The following QRFPR variants were observed in gnomAD, a reference collection of about 807,000 sequenced individuals.
QRFPR encodes the protein pyroglutamylated RF-amide peptide receptor.
Under a neutral mutation model 31.3 loss-of-function variants are expected in QRFPR, and 37 were observed. The observed-to-expected ratio is 1.18, with a 90% CI of 0.91 to 1.56. The LOEUF (loss-of-function observed/expected upper bound fraction) is 1.56, where lower values mean the gene tolerates loss of function less well. Ranked by LOEUF, QRFPR falls within the 40% of genes most tolerant of loss-of-function variation. The pLI is 0.00. For missense variants in QRFPR, 542 were observed against 532.5 expected, an observed-to-expected ratio of 1.02 and a Z score of -0.18; for synonymous variants, 197 against 192.0, an observed-to-expected ratio of 1.03 and a Z score of -0.22.
At chr4:121,351,737 A>C (rs1040958048) in intron 1 of QRFPR, among the ~76,000 whole-genome samples, 2 of 152,102 alleles carry the variant, frequency 1.3e-5, no homozygotes, top group Non-Finnish European at 2.9e-5. Context: ...GCACATCATA[A>C]AGTGAACTTC....
rs1725359923 is a variant in QRFPR, at chr4:121,332,986, T to C, written c.632A>G (p.Gln211Arg). 1 of 1,565,336 alleles carries C rather than the reference T, an allele frequency of 6.4e-7. No individual in the cohort carries two copies. Residue 211 changes from glutamine (Q) to arginine (R), a missense_variant, in exon 4 of 6, where the codon CAG becomes CGG. Transcript: ENST00000394427. The part of the protein sequence containing the change: ...CLEEWTSPVH[Q>R]KIYTTFILVI... ...AAGGATGAAGGTGGTGTAGATCTTC[T>C]GGTGCACAGGGCTGGTCCACTCTTC...
At chr4:121,379,675 G>A (rs1353320305) in intron 1 of QRFPR, among the ~76,000 whole-genome samples, 1 of 152,100 alleles carries the variant, frequency 6.6e-6, no homozygotes, top group Admixed American at 6.5e-5. Context: ...TATAATAGGA[G>A]GGCATCAGTT....
At chr4:121,376,322 G>A (rs1027186352) in intron 1 of QRFPR, among the ~76,000 whole-genome samples, 1 of 152,172 alleles carries the variant, frequency 6.6e-6, no homozygotes. Flanking sequence ...ATGGTAAGGT[G>A]GATGAAAGGA....
chr4:121,379,187 A>G (rs1015983332), intron 1 of QRFPR, among the ~76,000 whole-genome samples: 11 of 152,230 alleles, frequency 7.2e-5, no homozygotes, highest in African/African-American at 2.2e-4. Flanking sequence ...AAATATTTAC[A>G]TTATAGATTG....
chr4:121,333,170 G>C, intron 3 of QRFPR, 114 bp from the exon 4 acceptor site: 1 of 659,946 alleles, frequency 1.5e-6, no homozygotes, highest in Non-Finnish European at 2.6e-6. Flanking sequence ...TTTGTCCCCA[G>C]CACGTATTTC....
intron 2 of QRFPR, among the ~76,000 whole-genome samples, chr4:121,338,859 A>G (rs1321724086): frequency 1.3e-5 from 2 of 152,138 alleles, no homozygotes; most frequent in Non-Finnish European, 2.9e-5. Flanking sequence ...AGATGTTGTC[A>G]CTCGCGCTAC....
intron 1 of QRFPR, among the ~76,000 whole-genome samples, chr4:121,340,941 G>A (rs1725532136): frequency 6.6e-6 from 1 of 152,148 alleles, no homozygotes; most frequent in Admixed American, 6.5e-5. Flanking sequence ...GGCCTCCTGG[G>A]CTCTACACTA....
At position 121,380,720 on chromosome 4, in the gene QRFPR, G is replaced by T; in HGVS notation, c.-73C>A. ...CATCCGCATCTGCGGGGCAGCGAGG[G>T]CTTCGGGGGACCAGCCGGAGGCCGC... On this transcript the variant is annotated 5_prime_UTR_variant, in exon 1 of 6. Transcript: ENST00000394427. The T allele has an allele frequency of 7.2e-7, 1 of 1,383,514 alleles. No individual in the cohort carries two copies. The highest frequency in any genetic ancestry group is 9.6e-7 in the Non-Finnish European group (1 of 1,037,588). 85.7% of individuals were successfully genotyped at this position (1,383,514 alleles called of 1,614,324 possible). A position where few individuals can be genotyped will look rare whatever the true frequency, so the allele number is the denominator to read the frequency against.
Position 121,336,846 on chromosome 4 carries a change from G to T in QRFPR, c.522C>A (p.Val174=), listed in dbSNP as rs1300875072. The T allele has an allele frequency of 1.2e-6, 2 of 1,613,968 alleles. No individual in the cohort carries two copies. The highest frequency in any genetic ancestry group is 4.5e-5 in the East Asian group (2 of 44,878). Residue 174 remains valine, a synonymous_variant, in exon 3 of 6, where the codon GTC becomes GTA. Transcript: ENST00000394427. ...CGTGCCACATGGGTGATCCTACGATGACTGCCACCAGCCAGACCACACCTG... is the reference window on the plus strand; with the variant it reads ...CGTGCCACATGGGTGATCCTACGATTACTGCCACCAGCCAGACCACACCTG... The part of the protein sequence containing the change: ...TMLGVVWLVA[V]IVGSPMWHVQ...
chr4:121,341,643 T>C (rs931794089), intron 1 of QRFPR, among the ~76,000 whole-genome samples: 4 of 152,204 alleles, frequency 2.6e-5, no homozygotes, highest in African/African-American at 9.6e-5. Flanking sequence ...ATATATTGTA[T>C]ATAACTACCT....
At position 121,348,204 on chromosome 4, in the gene QRFPR, A is replaced by T. The variant is rs577144877; in HGVS notation, c.341-7594T>A. 2.6e-5 allele frequency among the ~76,000 whole-genome samples: 4 copies of T among 152,222 alleles called. No homozygotes were observed. The East Asian group carries it at 7.7e-4, about 29-fold the overall frequency. ...ACTTCACTGTGTCTTGGGTTTTCTT[A>T]TCTATAAAATGTGGATGATAATAAC... On this transcript the variant is annotated intron_variant, in intron 1 of 5. Coordinates refer to ENST00000394427, the MANE Select transcript of QRFPR (RefSeq NM_198179.3).
chr4:121,380,241 GAGAGAGATCC>G, intron 1 of QRFPR, 57 bp downstream of exon 1: 1 of 1,041,926 alleles, frequency 9.6e-7, no homozygotes, highest in South Asian at 1.5e-5. Flanking sequence ...GAGAGAGAGA[GAGAGAGATCC>G]CCTGAAAGGC....
At chr4:121,359,107 C>T (rs1199651840) in intron 1 of QRFPR, among the ~76,000 whole-genome samples, 1 of 152,122 alleles carries the variant, frequency 6.6e-6, no homozygotes, top group African/African-American at 2.4e-5. Context: ...GAGAATAGGC[C>T]TTACAAAGGA....
chr4:121,340,744 G>A, intron 1 of QRFPR, 134 bp from the exon 2 acceptor site: 1 of 740,916 alleles, frequency 1.3e-6, no homozygotes, highest in East Asian at 2.7e-5. Flanking sequence ...TTACTCTGTA[G>A]ACACAAAATA....
Position 121,332,818 on chromosome 4 carries a change from G to C in QRFPR, c.797+3C>G. On this transcript the variant is annotated splice_donor_region_variant and intron_variant, in intron 4 of 5. Transcript: ENST00000394427. ...AAAGAGGTGAATATTTCATTAAACA[G>C]ACCTGGCTATTTTGGACATTTCTTT... 6.2e-7 allele frequency: 1 copy of C among 1,600,720 alleles called. No homozygotes were observed. Among genetic ancestry groups the C allele is most frequent in the South Asian group, 1.1e-5 (1 of 90,718 alleles).
At chr4:121,355,930 T>C (rs1013686501) in intron 1 of QRFPR, among the ~76,000 whole-genome samples, 1 of 152,184 alleles carries the variant, frequency 6.6e-6, no homozygotes, top group Admixed American at 6.5e-5. Context: ...AGATACTTGA[T>C]ATAATTTCAT....
At chr4:121,380,228 A>G (rs1034383564) in intron 1 of QRFPR, 80 bp downstream of exon 1, 1 of 960,886 alleles carries the variant, frequency 1.0e-6, no homozygotes, top group Non-Finnish European at 1.6e-6. Context: ...AGAGAGAGAG[A>G]GAGAGAGAGA....
chr4:121,365,648 T>A (rs1365620358), intron 1 of QRFPR, among the ~76,000 whole-genome samples: 1 of 22,506 alleles, frequency 4.4e-5, no homozygotes, highest in South Asian at 1.2e-3. Flanking sequence ...ATTTTATATA[T>A]TATATATTAT....
At chr4:121,346,638 C>T (rs112397246) in intron 1 of QRFPR, among the ~76,000 whole-genome samples, 2 of 152,064 alleles carry the variant, frequency 1.3e-5, no homozygotes, top group Admixed American at 6.6e-5. Context: ...AAAAACATTC[C>T]GTCTTTCACC....
Sources: allele counts gnomAD v4.1 joint callset (sites outside exome capture counted in the v4.1 genomes callset), GRCh38; gene constraint gnomAD v4.1.1; transcripts MANE v1.5; gene names NCBI Gene and HGNC (gene_info 2026-07-23, HGNC 2026-07-21).